Variants in PLCG2 observed in about 807,000 individuals in gnomAD.
PLCG2 encodes the protein phospholipase C gamma 2.
In PLCG2, 69 loss-of-function variants were observed where a neutral mutation model predicts 175.6. The observed-to-expected ratio is 0.39, with a 90% CI of 0.32 to 0.48. PLCG2 has a LOEUF of 0.48. Ranked by LOEUF, PLCG2 falls within the 20% of genes least tolerant of loss-of-function variation. The pLI is 0.91. For synonymous variants in PLCG2, 827 were observed against 624.0 expected, an observed-to-expected ratio of 1.33 and a Z score of -4.85; for missense variants, 1,798 against 1,650.9, an observed-to-expected ratio of 1.09 and a Z score of -1.54.
chr16:81,796,370 C>G (rs778466811), intron 2 of PLCG2, among the ~76,000 whole-genome samples: 3 of 152,220 alleles, frequency 2.0e-5, no homozygotes, highest in African/African-American at 7.2e-5. Context: ...ATGGGCCATG[C>G]CTTTTAAAGC....
chr16:81,954,534 C>T (rs1482891110), intron 31 of PLCG2, among the ~76,000 whole-genome samples: 1 of 152,124 alleles, frequency 6.6e-6, no homozygotes, highest in Non-Finnish European at 1.5e-5. Context: ...TGTTGTTGCC[C>T]TCCCTGTGTC....
intron 2 of PLCG2, among the ~76,000 whole-genome samples, chr16:81,804,008 C>T (rs976440883): frequency 1.4e-4 from 22 of 152,284 alleles, no homozygotes; most frequent in Admixed American, 5.9e-4. Context: ...AATAATACTG[C>T]GGTGGACATT....
rs559059646 is a variant in PLCG2, at chr16:81,773,161, G to A, written c.-47-12782G>A. Reference sequence around the variant, plus strand: ...CAATGAGACAGAGGGAAAGCATGCTGGGTGTGGGGGGGCGTTGGGAAAAGG... The same window carrying A: ...CAATGAGACAGAGGGAAAGCATGCTAGGTGTGGGGGGGCGTTGGGAAAAGG... On this transcript the variant is annotated intron_variant, in intron 2 of 5. Coordinates refer to the PLCG2 transcript ENST00000565054. Among the ~76,000 whole-genome samples the A allele has an allele frequency of 3.4e-4, 52 of 152,282 alleles. No homozygotes were observed. The East Asian group carries it at 9.8e-3, about 29-fold the overall frequency.
intron 2 of PLCG2, among the ~76,000 whole-genome samples, chr16:81,807,253 T>C (rs527617177): frequency 6.6e-6 from 1 of 152,258 alleles, no homozygotes; most frequent in African/African-American, 2.4e-5. Context: ...GGAGGTCAGC[T>C]CTGGGACCCA....
intron 17 of PLCG2, 80 bp from the exon 18 acceptor site, chr16:81,910,440 T>C: frequency 8.0e-7 from 1 of 1,257,720 alleles, no homozygotes; most frequent in Non-Finnish European, 1.2e-6. Flanking sequence ...CCACATGTAA[T>C]GTCCCCGCCT....
chr16:81,956,474 T>C (rs1382860985), intron 31 of PLCG2, among the ~76,000 whole-genome samples: 2 of 152,196 alleles, frequency 1.3e-5, no homozygotes. Context: ...AAATCAACAG[T>C]GTAAAGACCA....
At chr16:81,908,722 C>A in intron 17 of PLCG2, 131 bp downstream of exon 17, 1 of 746,888 alleles carries the variant, frequency 1.3e-6, no homozygotes, top group East Asian at 2.8e-5. Flanking sequence ...ATTTGTCTAG[C>A]TCTTCTAGGC....
intron 5 of PLCG2, among the ~76,000 whole-genome samples, chr16:81,866,531 G>A (rs1597362699): frequency 1.1e-5 from 1 of 89,190 alleles, no homozygotes; most frequent in Non-Finnish European, 2.8e-5. Context: ...CTTGCTCCCA[G>A]GATGAGCTCC....
chr16:81,814,208 A>G (rs1350301534), intron 2 of PLCG2, among the ~76,000 whole-genome samples: 1 of 152,144 alleles, frequency 6.6e-6, no homozygotes, highest in African/African-American at 2.4e-5. Context: ...GGTCTGAAGG[A>G]TAGGCTGTCT....
chr16:81,809,011 T>C (rs1446909331), intron 2 of PLCG2, among the ~76,000 whole-genome samples: 3 of 152,194 alleles, frequency 2.0e-5, no homozygotes, highest in Non-Finnish European at 2.9e-5. Flanking sequence ...TAAAATATAA[T>C]ACTCCTATTC....
At chr16:81,779,234 T>C (rs2143142063), upstream of PLCG2, 1 of 150,948 alleles carries the variant, frequency 6.6e-6, no homozygotes, top group East Asian at 2.0e-4. Flanking sequence ...GGGGCGAGGC[T>C]GGGCGGTGCG....
intron 2 of PLCG2, among the ~76,000 whole-genome samples, chr16:81,822,803 T>C (rs1168663727): frequency 8.2e-6 from 1 of 122,574 alleles, no homozygotes; most frequent in Non-Finnish European, 1.6e-5. Flanking sequence ...GAGATCAGAG[T>C]GAGTAGAAGA....
intron 3 of PLCG2, among the ~76,000 whole-genome samples, chr16:81,857,027 A>C (rs1906719501): frequency 6.6e-6 from 1 of 152,228 alleles, no homozygotes; most frequent in Non-Finnish European, 1.5e-5. Context: ...ATCTCATGCA[A>C]CCAGTCTATT....
At chr16:81,773,032 A>C (rs962088882) in intron 2 of PLCG2, among the ~76,000 whole-genome samples, 4 of 152,114 alleles carry the variant, frequency 2.6e-5, no homozygotes, top group African/African-American at 9.7e-5. Context: ...TCCTCTCATG[A>C]TGTGGGGGAA....
intron 5 of PLCG2, among the ~76,000 whole-genome samples, chr16:81,867,857 C>T (rs777679492): frequency 6.6e-6 from 1 of 152,144 alleles, no homozygotes; most frequent in African/African-American, 2.4e-5. Context: ...GCTACCATGC[C>T]TGGCTAATTT....
intron 2 of PLCG2, among the ~76,000 whole-genome samples, chr16:81,773,744 C>T (rs1279022671): frequency 6.6e-6 from 1 of 152,260 alleles, no homozygotes; most frequent in Non-Finnish European, 1.5e-5. Context: ...CGTTCGCAGA[C>T]TCACTCCTCC....
intron 1 of PLCG2, among the ~76,000 whole-genome samples, chr16:81,782,885 C>G (rs1044345556): frequency 1.3e-5 from 2 of 152,216 alleles, no homozygotes; most frequent in African/African-American, 4.8e-5. Context: ...TTCAAAGGAA[C>G]GGTGTCAGCC....
chr16:81,775,282 CTG>C (rs1910374904), upstream of PLCG2, among the ~76,000 whole-genome samples: 1 of 152,172 alleles, frequency 6.6e-6, no homozygotes, highest in South Asian at 2.1e-4. Context: ...GATCTACGTT[CTG>C]TCTCTGTAGA....
At chr16:81,895,638 A>G (rs1009609136) in intron 12 of PLCG2, 169 bp from the exon 13 acceptor site, 7 of 651,214 alleles carry the variant, frequency 1.1e-5, no homozygotes, top group East Asian at 2.8e-5. Flanking sequence ...ATGTAAGCGC[A>G]CAGGGAACCC....
Sources: allele counts gnomAD v4.1 joint callset (sites outside exome capture counted in the v4.1 genomes callset), GRCh38; gene constraint gnomAD v4.1.1; transcripts MANE v1.5; gene names NCBI Gene and HGNC (gene_info 2026-07-23, HGNC 2026-07-21).